The following AGR3 variants were observed in gnomAD, a reference collection of about 807,000 sequenced individuals.
AGR3 encodes the protein anterior gradient 3, protein disulphide isomerase family member.
AGR3 carries 37 observed loss-of-function variants against 24.5 expected under a neutral mutation model. The observed-to-expected ratio is 1.51, with a 90% confidence interval of 1.16 to 1.99. The LOEUF (loss-of-function observed/expected upper bound fraction) is 1.99. Among genes scored for constraint, AGR3 ranks in the 30% most tolerant of loss-of-function variants. The probability of loss-of-function intolerance (pLI) is 0.00; values close to 1 mark genes in which losing one functional copy is unlikely to be tolerated. For synonymous variants in AGR3, 75 were observed against 61.6 expected (o/e 1.22, Z -1.02); for missense variants, 228 against 191.1 (o/e 1.19, Z -1.14).
At chr7:16,873,644 T>C in intron 3 of AGR3, 136 bp downstream of exon 3, 1 of 660,500 alleles carries the variant, frequency 1.5e-6, no homozygotes, top group South Asian at 2.0e-5. Flanking sequence ...AGGTGATGCA[T>C]ATGCTAATTA....
intron 3 of AGR3, among the ~76,000 whole-genome samples, chr7:16,868,643 C>T (rs891874949): frequency 2.6e-5 from 4 of 151,988 alleles, no homozygotes; most frequent in African/African-American, 9.7e-5. Context: ...TGTACAGAAG[C>T]TTTTTAGTTT....
At chr7:16,862,763 A>G in intron 3 of AGR3, 101 bp from the exon 4 acceptor site, 4 of 744,608 alleles carry the variant, frequency 5.4e-6, no homozygotes, top group Non-Finnish European at 4.4e-6. Context: ...TAAGGCTTAC[A>G]GTAGTAATCT....
rs756480263 is a variant in AGR3, at chr7:16,873,857, G to C, written c.110-14C>G. 1.1e-5 allele frequency: 18 copies of C among 1,604,774 alleles called. No homozygotes were observed. Among genetic ancestry groups the C allele is most frequent in the Non-Finnish European group, 1.5e-5 (18 of 1,172,546 alleles). The stretch of plus-strand genomic sequence containing the variant: ...CATCTCCCCATCCTGAAATAGAAGA[G>C]AGAAATCAATGCAGTAACCCAGAAC... On this transcript the variant is annotated splice_polypyrimidine_tract_variant and intron_variant, in intron 2 of 7. Coordinates refer to ENST00000310398, the MANE Select transcript of AGR3 (RefSeq NM_176813.5).
chr7:16,858,430 G>A (rs1326753784), downstream of AGR3, among the ~76,000 whole-genome samples: 1 of 152,142 alleles, frequency 6.6e-6, no homozygotes, highest in Admixed American at 6.5e-5. Flanking sequence ...TTCCTGTAAA[G>A]AACTGAGTTG....
intron 3 of AGR3, among the ~76,000 whole-genome samples, chr7:16,869,453 C>A (rs564078060): frequency 2.0e-5 from 3 of 152,062 alleles, no homozygotes; most frequent in Non-Finnish European, 2.9e-5. Flanking sequence ...TGAGGCCTGG[C>A]ATGGTGGCTC....
chr7:16,862,725 G>A (rs1315567261), intron 3 of AGR3, 63 bp from the exon 4 acceptor site: 10 of 1,179,638 alleles, frequency 8.5e-6, no homozygotes, highest in Admixed American at 2.6e-5. Flanking sequence ...ATACAGTAGA[G>A]TTAGATTTAA....
intron 4 of AGR3, 36 bp downstream of exon 4, chr7:16,862,574 T>G: frequency 7.6e-7 from 1 of 1,314,922 alleles, no homozygotes; most frequent in Non-Finnish European, 1.0e-6. Flanking sequence ...TTGGAAATAT[T>G]ATATATTATA....
chr7:16,879,432 TA>T (rs1462805317), intron 1 of AGR3, among the ~76,000 whole-genome samples: 1 of 152,236 alleles, frequency 6.6e-6, no homozygotes, highest in Non-Finnish European at 1.5e-5. Flanking sequence ...GATCTGGTCA[TA>T]AACCACTTGA....
chr7:16,866,460 T>C (rs1781760954), intron 3 of AGR3, among the ~76,000 whole-genome samples: 1 of 152,108 alleles, frequency 6.6e-6, no homozygotes, highest in Non-Finnish European at 1.5e-5. Context: ...ATTTTGCACA[T>C]AGGTGGGTAT....
At chr7:16,859,691 C>G in intron 7 of AGR3, 60 bp from the exon 8 acceptor site, 4 of 1,114,056 alleles carry the variant, frequency 3.6e-6, no homozygotes, top group Admixed American at 2.5e-5. Context: ...ATGCTATGAT[C>G]TATTAACTCT....
At chr7:16,865,834 T>A in intron 3 of AGR3, 1 of 743,278 alleles carries the variant, frequency 1.3e-6, no homozygotes, top group Non-Finnish European at 2.5e-6. Flanking sequence ...TCCACTCTTG[T>A]ACTTGAATAC....
chr7:16,860,301 C>G (rs112438842), intron 7 of AGR3, among the ~76,000 whole-genome samples, 199 bp downstream of exon 7: 248 of 152,212 alleles, frequency 1.6e-3, no homozygotes, highest in African/African-American at 5.8e-3. Context: ...CCTAAAATCC[C>G]TTAGACATCC....
intron 2 of AGR3, among the ~76,000 whole-genome samples, chr7:16,878,262 G>A (rs1039000139): frequency 4.6e-5 from 7 of 152,088 alleles, no homozygotes; most frequent in Non-Finnish European, 1.0e-4. Flanking sequence ...TATAGACAGC[G>A]AGCCAATTCT....
intron 1 of AGR3, 46 bp downstream of exon 1, chr7:16,881,898 A>G (rs760768268): frequency 4.2e-6 from 2 of 470,800 alleles, no homozygotes; most frequent in East Asian, 1.4e-4. Flanking sequence ...TAAATATAGC[A>G]AAGCTTGACC....
Position 16,870,159 on chromosome 7 carries a change from G to T in AGR3, c.173+3621C>A, listed in dbSNP as rs958921745. Among the ~76,000 whole-genome samples, 5 of 151,710 alleles carry T rather than the reference G, an allele frequency of 3.3e-5. No individual in the cohort carries two copies. In the South Asian group the frequency reaches 1.0e-3, roughly 32 times the overall value. On this transcript the variant is annotated intron_variant, in intron 3 of 7. Coordinates refer to ENST00000310398, the MANE Select transcript of AGR3 (RefSeq NM_176813.5). ...GCATATCTTCTGTCAAGTTTATTCT[G>T]GGGTATTTTCTTTTTTGTCATTGTA...
intron 2 of AGR3, among the ~76,000 whole-genome samples, chr7:16,876,799 A>G (rs1377927863): frequency 2.0e-5 from 3 of 152,224 alleles, no homozygotes; most frequent in African/African-American, 7.2e-5. Context: ...ATATTTTTTC[A>G]AAACATTCAA....
At chr7:16,879,453 T>C (rs868014212) in intron 1 of AGR3, among the ~76,000 whole-genome samples, 1 of 152,198 alleles carries the variant, frequency 6.6e-6, no homozygotes, top group Non-Finnish European at 1.5e-5. Context: ...ATAAATATAT[T>C]ACAGGAAGTC....
intron 3 of AGR3, among the ~76,000 whole-genome samples, chr7:16,863,612 T>C (rs1781690678): frequency 4.6e-5 from 7 of 152,102 alleles, no homozygotes; most frequent in Admixed American, 4.6e-4. Flanking sequence ...TATACCCAGA[T>C]GCATGTTCAC....
intron 2 of AGR3, among the ~76,000 whole-genome samples, chr7:16,874,584 G>A (rs982119836): frequency 6.6e-6 from 1 of 152,116 alleles, no homozygotes; most frequent in Non-Finnish European, 1.5e-5. Flanking sequence ...CTCAGTCTAC[G>A]AATGAGAGAG....
Sources: allele counts gnomAD v4.1 joint callset (sites outside exome capture counted in the v4.1 genomes callset), GRCh38; gene constraint gnomAD v4.1.1; transcripts MANE v1.5; gene names NCBI Gene and HGNC (gene_info 2026-07-23, HGNC 2026-07-21).